The following PLD5 variants were observed in gnomAD, a reference collection of about 807,000 sequenced individuals.
PLD5 encodes the protein inactive phospholipase D5.
PLD5 carries 36 observed loss-of-function variants against 61.1 expected under a neutral mutation model. That is an observed-to-expected ratio of 0.59 (90% confidence interval 0.45 to 0.78). The LOEUF (loss-of-function observed/expected upper bound fraction) is 0.78. Among genes scored for constraint, PLD5 ranks in the 30% least tolerant of loss-of-function variants. The pLI is 0.00. For missense variants in PLD5, 515 were observed against 644.4 expected (o/e 0.80, Z 2.17); for synonymous variants, 243 against 242.8 (o/e 1.00, Z -0.01).
chr1:242,100,796 A>G lies in PLD5; in HGVS notation c.1240-14T>C, dbSNP rs898267983. ...ATCAAAAAATTTCTGTAAGAAAAAA[A>G]AAAAGGGGGCAGGTAAATAAGAGGA... On this transcript the variant is annotated splice_polypyrimidine_tract_variant and intron_variant, in intron 8 of 9. Coordinates refer to ENST00000536534, the MANE Select transcript of PLD5 (RefSeq NM_001372062.1). The G allele has an allele frequency of 3.8e-6, 6 of 1,569,716 alleles. No homozygotes were observed. Among genetic ancestry groups the G allele is most frequent in the East Asian group, 2.2e-5 (1 of 44,664 alleles).
At chr1:242,288,617 A>G in intron 2 of PLD5, 87 bp from the exon 3 acceptor site, 1 of 1,459,784 alleles carries the variant, frequency 6.9e-7, no homozygotes, top group East Asian at 2.5e-5. Flanking sequence ...GCAGACATCT[A>G]AAAAATATTC....
intron 3 of PLD5, among the ~76,000 whole-genome samples, chr1:242,271,199 CACAGAG>C (rs1175920695): frequency 1.9e-3 from 25 of 13,222 alleles, no homozygotes; most frequent in Admixed American, 6.8e-3. Context: ...CACACACACA[CACAGAG>C]AGAGAGAGAG....
intron 1 of PLD5, among the ~76,000 whole-genome samples, chr1:242,390,957 C>G (rs918632144): frequency 3.3e-5 from 5 of 152,136 alleles, no homozygotes; most frequent in Non-Finnish European, 5.9e-5. Flanking sequence ...CTTTGGGAGG[C>G]TGAGGCAGGC....
At chr1:242,293,826 AT>A (rs1675504359) in intron 2 of PLD5, among the ~76,000 whole-genome samples, 1 of 152,150 alleles carries the variant, frequency 6.6e-6, no homozygotes, top group South Asian at 2.1e-4. Context: ...AGACATGTTG[AT>A]TGCTCCTTCT....
chr1:242,297,830 G>A (rs1165867348), intron 2 of PLD5, among the ~76,000 whole-genome samples: 1 of 150,614 alleles, frequency 6.6e-6, no homozygotes, highest in African/African-American at 2.4e-5. Flanking sequence ...TAGTAGAGAC[G>A]GGGTTTCACC....
At chr1:242,520,333 T>C (rs1669240516) in intron 1 of PLD5, among the ~76,000 whole-genome samples, 1 of 152,194 alleles carries the variant, frequency 6.6e-6, no homozygotes, top group African/African-American at 2.4e-5. Flanking sequence ...TATACTTTCG[T>C]GGTGTCCGAG....
At chr1:242,225,790 T>C (rs1483533349) in intron 4 of PLD5, among the ~76,000 whole-genome samples, 1 of 152,244 alleles carries the variant, frequency 6.6e-6, no homozygotes, top group African/African-American at 2.4e-5. Context: ...TGAGAAACAT[T>C]TGGGTAGTTT....
intron 4 of PLD5, among the ~76,000 whole-genome samples, chr1:242,221,384 A>C (rs569966873): frequency 1.3e-5 from 2 of 152,344 alleles, no homozygotes; most frequent in South Asian, 4.1e-4. Context: ...CCAGGGGCAC[A>C]CTTCATTGTC....
chr1:242,434,739 A>G (rs1321441334), intron 1 of PLD5, among the ~76,000 whole-genome samples: 2 of 151,946 alleles, frequency 1.3e-5, no homozygotes, highest in African/African-American at 2.4e-5. Context: ...TCAGCCTCCC[A>G]AGTAGCTGGG....
chr1:242,431,919 G>A (rs879884089), intron 1 of PLD5, among the ~76,000 whole-genome samples: 46 of 152,220 alleles, frequency 3.0e-4, no homozygotes, highest in Admixed American at 6.5e-4. Context: ...TAATCCTACC[G>A]TAAGAGGTAA....
intron 2 of PLD5, among the ~76,000 whole-genome samples, chr1:242,333,761 C>T (rs1245834965): frequency 1.3e-5 from 2 of 152,096 alleles, no homozygotes; most frequent in Non-Finnish European, 2.9e-5. Flanking sequence ...ATTTGTCTCC[C>T]TGTGGTTGGC....
chr1:242,368,360 G>A (rs747551443), intron 1 of PLD5, among the ~76,000 whole-genome samples: 8 of 151,998 alleles, frequency 5.3e-5, no homozygotes, highest in Non-Finnish European at 1.2e-4. Flanking sequence ...GATATTCAAC[G>A]TTCACTGTCT....
rs540276582 is a variant in PLD5, at chr1:242,262,956, A to G, written c.607+2381T>C. Among the ~76,000 whole-genome samples, 264 of 152,208 alleles carry G rather than the reference A, an allele frequency of 1.7e-3. 2 individuals carry two copies. The highest frequency in any genetic ancestry group is 6.0e-3 in the African/African-American group (249 of 41,538). Reference sequence around the variant, plus strand: ...ATCCCTCCCTGGGTGCAAGGACTTCATGAGGGCTAGGTTTCAAAAGCACCT... The same window carrying G: ...ATCCCTCCCTGGGTGCAAGGACTTCGTGAGGGCTAGGTTTCAAAAGCACCT... On this transcript the variant is annotated intron_variant, in intron 4 of 9. Coordinates refer to ENST00000536534, the MANE Select transcript of PLD5 (RefSeq NM_001372062.1).
chr1:242,361,090 ATAAG>A (rs1661041270), intron 1 of PLD5, among the ~76,000 whole-genome samples: 1 of 152,268 alleles, frequency 6.6e-6, no homozygotes, highest in Middle Eastern at 3.4e-3. Context: ...ATAACAATAA[ATAAG>A]TAAGAACTCT....
intron 4 of PLD5, among the ~76,000 whole-genome samples, chr1:242,249,948 C>A (rs930018744): frequency 7.2e-5 from 11 of 152,154 alleles, no homozygotes. Context: ...CTCGTACCAT[C>A]AATTACTAAT....
intron 5 of PLD5, among the ~76,000 whole-genome samples, chr1:242,164,403 TAAA>T (rs34240432): frequency 3.3e-5 from 5 of 149,704 alleles, no homozygotes; most frequent in Non-Finnish European, 7.4e-5. Context: ...TGACAAATAT[TAAA>T]AAAAAAAAAA....
At position 242,434,327 on chromosome 1, in the gene PLD5, T is replaced by C. The variant is rs142084401; in HGVS notation, c.190-86085A>G. 3.8e-3 allele frequency among the ~76,000 whole-genome samples: 581 copies of C among 152,330 alleles called. 5 individuals carry two copies. The highest frequency in any genetic ancestry group is 0.013 in the African/African-American group (548 of 41,566). Reference sequence around the variant, plus strand: ...GCCGAGAAGACTTTGCTTTCTAGCCTGAGCTACTGAAAAGAGAGAGTTGTT... The same window carrying C: ...GCCGAGAAGACTTTGCTTTCTAGCCCGAGCTACTGAAAAGAGAGAGTTGTT... On this transcript the variant is annotated intron_variant, in intron 1 of 9. Coordinates refer to ENST00000536534, the MANE Select transcript of PLD5 (RefSeq NM_001372062.1).
At chr1:242,253,305 CTTTT>C (rs1181235404) in intron 4 of PLD5, among the ~76,000 whole-genome samples, 12 of 70,692 alleles carry the variant, frequency 1.7e-4, no homozygotes, top group African/African-American at 6.4e-4. Context: ...CCTCTCTTCA[CTTTT>C]TTTTTTTTTT....
chr1:242,125,468 G>A (rs1662710406), intron 5 of PLD5, among the ~76,000 whole-genome samples: 1 of 152,094 alleles, frequency 6.6e-6, no homozygotes, highest in Non-Finnish European at 1.5e-5. Context: ...TTGAGTGCAG[G>A]TTTTCTGACC....
Sources: allele counts gnomAD v4.1 joint callset (sites outside exome capture counted in the v4.1 genomes callset), GRCh38; gene constraint gnomAD v4.1.1; transcripts MANE v1.5; gene names NCBI Gene and HGNC (gene_info 2026-07-23, HGNC 2026-07-21).